The following TJP1 variants were observed in gnomAD, a reference collection of about 807,000 sequenced individuals.
The protein encoded by TJP1 is tight junction protein 1.
In TJP1, 43 loss-of-function variants were observed where a neutral mutation model predicts 194.2. The observed-to-expected ratio is 0.22, with a 90% CI of 0.17 to 0.29. TJP1 has a LOEUF of 0.29. TJP1 is among the 10% of genes least tolerant of loss of function. The pLI is 1.00. For missense variants in TJP1, 1,971 were observed against 2,185.7 expected, an observed-to-expected ratio of 0.90 and a Z score of 1.96; for synonymous variants, 801 against 779.0, an observed-to-expected ratio of 1.03 and a Z score of -0.47.
At chr15:29,812,952 A>G (rs572920848) in intron 1 of TJP1, among the ~76,000 whole-genome samples, 1 of 152,280 alleles carries the variant, frequency 6.6e-6, no homozygotes, top group Middle Eastern at 3.4e-3. Context: ...GTACTTCTGT[A>G]TTAACACTCC....
At chr15:29,934,977 C>A (rs991902766) in intron 2 of TJP1, among the ~76,000 whole-genome samples, 4 of 152,170 alleles carry the variant, frequency 2.6e-5, no homozygotes, top group Non-Finnish European at 5.9e-5. Flanking sequence ...AAGGTAATAA[C>A]AAAGCAAGGC....
At chr15:29,741,066 AT>A (rs112684499) in intron 10 of TJP1, 3,908 of 219,590 alleles carry the variant, frequency 0.018, 3 homozygotes, top group East Asian at 0.031. Context: ...TCTGAATAGA[AT>A]TTTTTTTTTT....
At chr15:29,959,179 C>T (rs760849380) in intron 1 of TJP1, among the ~76,000 whole-genome samples, 2 of 151,618 alleles carry the variant, frequency 1.3e-5, no homozygotes, top group Non-Finnish European at 2.9e-5. Context: ...TTAGTAGAGA[C>T]GGGGTTTCAC....
At chr15:29,922,072 C>G (rs577952931) in intron 2 of TJP1, among the ~76,000 whole-genome samples, 1 of 152,242 alleles carries the variant, frequency 6.6e-6, no homozygotes, top group African/African-American at 2.4e-5. Context: ...GTCTCAAACT[C>G]CTGACCTTAG....
At position 29,753,836 on chromosome 15, in the gene TJP1, A is replaced by C. The variant is rs569159021; in HGVS notation, c.1010+7303T>G. On this transcript the variant is annotated intron_variant, in intron 8 of 27. Coordinates refer to ENST00000614355, the MANE Select transcript of TJP1 (RefSeq NM_001330239.4). Reference sequence around the variant, plus strand: ...AAAGGGAAACAGAAAAAAAAAAAAAAAACAAAGGTAAAGGACCTCATGGTG... The same window carrying C: ...AAAGGGAAACAGAAAAAAAAAAAAACAACAAAGGTAAAGGACCTCATGGTG... Among the ~76,000 whole-genome samples the C allele has an allele frequency of 1.5e-4, 23 of 152,148 alleles. No homozygotes were observed. The East Asian group carries it at 3.3e-3, about 22-fold the overall frequency.
At chr15:29,920,962 T>C (rs947779335) in intron 2 of TJP1, among the ~76,000 whole-genome samples, 33 of 152,122 alleles carry the variant, frequency 2.2e-4, no homozygotes, top group Admixed American at 2.1e-3. Context: ...GAGTAAAACA[T>C]GTGAAATGGA....
intron 2 of TJP1, among the ~76,000 whole-genome samples, chr15:29,929,927 C>T (rs576932120): frequency 2.6e-5 from 4 of 152,058 alleles, no homozygotes; most frequent in Non-Finnish European, 2.9e-5. Flanking sequence ...ATACAGCTGA[C>T]ATTTTTGAAA....
At chr15:29,941,570 C>G (rs1038075644) in intron 2 of TJP1, among the ~76,000 whole-genome samples, 1 of 152,086 alleles carries the variant, frequency 6.6e-6, no homozygotes, top group Non-Finnish European at 1.5e-5. Flanking sequence ...CATCTCCGGT[C>G]CCCCCTCTGC....
chr15:29,761,234 A>G lies in TJP1; in HGVS notation c.915T>C (p.Asp305=), dbSNP rs1366641500. Residue 305 remains aspartate (D), a synonymous_variant, in exon 8 of 28, where the codon GAT becomes GAC. Coordinates refer to ENST00000614355, the MANE Select transcript of TJP1 (RefSeq NM_001330239.4). ...GTGACCGGCTGCGGCGGGGAGGCCT[A>G]TCGTGTGATCGACCAGAATGATCTG... ...LASDHSGRSH[D]RPPRRSRSRS... The G allele has an allele frequency of 4.3e-6, 7 of 1,613,986 alleles. No individual in the cohort carries two copies. The highest frequency in any genetic ancestry group is 5.9e-6 in the Non-Finnish European group (7 of 1,180,012).
chr15:29,833,873 A>ATTTTTTTT (rs2050918855), intron 2 of TJP1, among the ~76,000 whole-genome samples: 1 of 18,150 alleles, frequency 5.5e-5, no homozygotes, highest in Admixed American at 6.7e-4. Flanking sequence ...ATATATATAT[A>ATTTTTTTT]TATATATATT....
chr15:29,730,868 A>G lies in TJP1; in HGVS notation c.2017+1565T>C, dbSNP rs974518611. The G allele has an allele frequency of 1.1e-5, 13 of 1,218,308 alleles. No homozygotes were observed. The African/African-American group carries it at 1.5e-4, about 14-fold the overall frequency. The allele number at this position is 1,218,308 out of a possible 1,614,324, so 75.5% of individuals were successfully genotyped here. A position where few individuals can be genotyped will look rare whatever the true frequency, so the allele number is the denominator to read the frequency against. ...CCCCTGCAAAGAAGGGAGAGAAGGT[A>G]CCCAAAGGGAAAAAGGGAAAAGCTG... On this transcript the variant is annotated intron_variant, in intron 15 of 27. Coordinates refer to ENST00000614355, the MANE Select transcript of TJP1 (RefSeq NM_001330239.4).
At chr15:29,949,223 TTCA>T (rs2055417164) in intron 2 of TJP1, among the ~76,000 whole-genome samples, 1 of 76,642 alleles carries the variant, frequency 1.3e-5, no homozygotes, top group African/African-American at 7.5e-5. Context: ...CACCTCCACT[TTCA>T]CCACCACTAC....
Position 29,718,921 on chromosome 15 carries a change from T to C in TJP1, c.3221A>G (p.Tyr1074Cys), listed in dbSNP as rs925570672. 5.6e-6 allele frequency: 9 copies of C among 1,614,080 alleles called. No individual in the cohort carries two copies. The highest frequency in any genetic ancestry group is 2.2e-5 in the East Asian group (1 of 44,892). The change falls in exon 21 of 28, where the codon TAT becomes TGT. Residue 1074 changes from tyrosine (Y) to cysteine (C), a missense_variant. By Grantham distance (194) the Tyr-to-Cys change is radical (BLOSUM62 -2). This residue lies in a region of TJP1 where 1,108 missense variants were observed against 1,128.5 expected (regional missense o/e 0.98). Transcript: ENST00000614355. ...ATCTTCGTATCGCAGACGATGTTCA[T>C]AGTTTCGAGAAAACTGGTCCGTATA... Reference protein sequence around the residue: ...SSYTDQFSRNYEHRLRYEDRV... With the variant: ...SSYTDQFSRNCEHRLRYEDRV...
intron 25 of TJP1, among the ~76,000 whole-genome samples, chr15:29,707,076 T>C (rs954587791): frequency 6.6e-6 from 1 of 152,122 alleles, no homozygotes; most frequent in Non-Finnish European, 1.5e-5. Flanking sequence ...CAGCATTCCC[T>C]GAGGACCAAG....
chr15:29,812,523 A>C (rs905560582), intron 1 of TJP1, among the ~76,000 whole-genome samples: 48 of 152,120 alleles, frequency 3.2e-4, no homozygotes, highest in African/African-American at 1.1e-3. Flanking sequence ...GCTCTGATGG[A>C]GCAGTGCCCT....
chr15:29,946,365 C>CA (rs1157588042), intron 2 of TJP1, among the ~76,000 whole-genome samples: 1 of 152,224 alleles, frequency 6.6e-6, no homozygotes, highest in African/African-American at 2.4e-5. Context: ...TGATGAGAGA[C>CA]ACTGGTGTAA....
chr15:29,713,976 A>T (rs2042395746), intron 23 of TJP1, among the ~76,000 whole-genome samples: 3 of 152,210 alleles, frequency 2.0e-5, no homozygotes, highest in South Asian at 4.1e-4. Flanking sequence ...TGTGAAAACA[A>T]TGACCAGGTA....
intron 8 of TJP1, among the ~76,000 whole-genome samples, chr15:29,758,744 A>G (rs745843069): frequency 1.4e-4 from 21 of 152,288 alleles, no homozygotes; most frequent in Non-Finnish European, 7.3e-5. Flanking sequence ...CCTGATAACA[A>G]TCTATGCTGT....
upstream of TJP1, among the ~76,000 whole-genome samples, chr15:29,825,979 A>C (rs528273608): frequency 7.2e-5 from 11 of 152,320 alleles, no homozygotes; most frequent in East Asian, 1.9e-3. Context: ...TTAGAGGTGC[A>C]ATATAGGAGT....
Sources: gnomAD v4.1 joint callset for allele counts (sites outside exome capture counted in the v4.1 genomes callset) on GRCh38, gnomAD v4.1.1 for gene constraint, gnomAD v4.1.1 regional missense constraint, MANE v1.5 for transcripts, NCBI Gene and HGNC (gene_info 2026-07-23, HGNC 2026-07-21) for gene names.